The following BRCA2 variants were observed in gnomAD, a reference collection of about 807,000 sequenced individuals.
BRCA2 encodes breast cancer type 2 susceptibility protein.
A neutral mutation model predicts 276.7 loss-of-function variants in BRCA2; 203 were observed. The observed-to-expected ratio is 0.73, with a 90% CI of 0.65 to 0.82. The LOEUF is 0.82. Among genes scored for constraint, BRCA2 ranks in the 40% least tolerant of loss-of-function variants. The pLI, the probability that BRCA2 is intolerant of heterozygous loss-of-function variation, is 0.00. For synonymous variants in BRCA2, 1,289 were observed against 1,338.4 expected (o/e 0.96, Z 0.81); for missense variants, 3,920 against 3,915.0 (o/e 1.00, Z -0.03).
intron 24 of BRCA2, among the ~76,000 whole-genome samples, chr13:32,393,048 G>A (rs1356002628): frequency 6.6e-6 from 1 of 152,088 alleles, no homozygotes. Context: ...TGCATTTCTG[G>A]CAAGACTACC....
In BRCA2 at chr13:32,319,312, C is replaced by A. The variant is rs397507301; in HGVS notation, c.303C>A (p.Phe101Leu). 6.2e-7 allele frequency: 1 copy of A among 1,613,124 alleles called. No homozygotes were observed. The highest frequency in any genetic ancestry group is 1.3e-5 in the African/African-American group (1 of 74,880). The change falls in exon 3 of 27, where the codon TTC becomes TTA. Residue 101 changes from phenylalanine to leucine, a missense_variant. Phe to Leu is a conservative substitution (Grantham distance 22, BLOSUM62 0). Around this residue, in one of 2 missense-constraint regions of BRCA2, gnomAD observed 3,263 missense variants for 3,156.9 expected, o/e 1.03. Coordinates refer to ENST00000380152, the MANE Select transcript of BRCA2 (RefSeq NM_000059.4). ...CTCCTGTAAAAGAATTAGATAAATT[C>A]AAATTAGACTTAGGTAAGTAATGCA... ...YQSPVKELDK[F>L]KLDLGRNVPN...
At chr13:32,355,407 GT>G in intron 14 of BRCA2, 119 bp downstream of exon 14, 1 of 1,147,024 alleles carries the variant, frequency 8.7e-7, no homozygotes, top group Non-Finnish European at 1.2e-6. Flanking sequence ...CCTTTTTAAT[GT>G]TTTAGATTTT....
In BRCA2 at chr13:32,346,920, A is replaced by G. The variant is rs200506766; in HGVS notation, c.7007+24A>G. ...CGGTAAGACATGTTTAAATTTTTCT[A>G]AATTCTAATACAGTATGAGAAAAGT... On this transcript the variant is annotated intron_variant, in intron 13 of 26. Transcript: ENST00000380152. 72 of 1,560,362 alleles carry G rather than the reference A, an allele frequency of 4.6e-5. 4 individuals carry two copies. The South Asian group carries it at 7.0e-4, about 15-fold the overall frequency.
intron 13 of BRCA2, among the ~76,000 whole-genome samples, chr13:32,351,559 G>A (rs1016433805): frequency 6.6e-6 from 1 of 152,196 alleles, no homozygotes; most frequent in Non-Finnish European, 1.5e-5. Context: ...AATTTAGGAA[G>A]ATGAAAGGCA....
At chr13:32,343,928 CT>C (rs1323052200) in intron 11 of BRCA2, among the ~76,000 whole-genome samples, 1 of 151,930 alleles carries the variant, frequency 6.6e-6, no homozygotes, top group Non-Finnish European at 1.5e-5. Flanking sequence ...AATTTATTCC[CT>C]GTAATAAAGC....
chr13:32,328,811 AAAGT>A (rs1425363549), intron 7 of BRCA2, among the ~76,000 whole-genome samples: 5 of 152,210 alleles, frequency 3.3e-5, no homozygotes, highest in Non-Finnish European at 7.3e-5. Flanking sequence ...TACACACAGT[AAAGT>A]TTGTTTTGTA....
chr13:32,336,524 CA>C lies in BRCA2; in HGVS notation c.2175del (p.Val726PhefsTer4), dbSNP rs276174819. 1 of 1,613,946 alleles carries C rather than the reference CA, an allele frequency of 6.2e-7. No homozygotes were observed. Among genetic ancestry groups the C allele is most frequent in the Non-Finnish European group, 8.5e-7 (1 of 1,179,960 alleles). ...GACAGTGTGAAAATGATCCAAAAAGCAAAAAAGTTTCAGATATAAAAGAAGA... is the reference window on the plus strand; with the variant it reads ...GACAGTGTGAAAATGATCCAAAAAGCAAAAAGTTTCAGATATAAAAGAAGA... ...EGQCENDPKS[K>X]KVSDIKEEVL... On this transcript the variant is annotated frameshift_variant, in exon 11 of 27. Transcript: ENST00000380152. LOFTEE classifies it high-confidence loss of function.
rs182505124 is a variant in BRCA2 at position 32,373,717 on chromosome 13, C to G, written c.8632+2617C>G. On this transcript the variant is annotated intron_variant, in intron 20 of 26. Transcript: ENST00000380152. ...CCCTGCAGCTGCTTTCATGGGCTGCCATTGAGTGACAGCTGCACAGTGCAG... is the reference window on the plus strand; with the variant it reads ...CCCTGCAGCTGCTTTCATGGGCTGCGATTGAGTGACAGCTGCACAGTGCAG... Among the ~76,000 whole-genome samples the G allele has an allele frequency of 7.2e-3, 1,095 of 152,306 alleles. 11 individuals are homozygous for G. Among genetic ancestry groups the G allele is most frequent in the African/African-American group, 0.025 (1,019 of 41,568 alleles).
intron 24 of BRCA2, among the ~76,000 whole-genome samples, chr13:32,394,315 A>G (rs192702173): frequency 1.6e-4 from 24 of 152,334 alleles, no homozygotes; most frequent in East Asian, 9.6e-4. Context: ...TTAGAGGTCT[A>G]TCTTCAGAGA....
chr13:32,390,571 C>T (rs1362612149), intron 24 of BRCA2, among the ~76,000 whole-genome samples: 1 of 152,070 alleles, frequency 6.6e-6, no homozygotes, highest in African/African-American at 2.4e-5. Flanking sequence ...TTTTGTTCTC[C>T]CCCTCTTGAT....
chr13:32,350,488 G>A (rs935682417), intron 13 of BRCA2, among the ~76,000 whole-genome samples: 10 of 152,054 alleles, frequency 6.6e-5, no homozygotes, highest in Admixed American at 2.0e-4. Flanking sequence ...GGTGGTTCAC[G>A]CCTGTAATCC....
chr13:32,318,566 G>A (rs766232868), intron 2 of BRCA2, among the ~76,000 whole-genome samples: 5 of 151,790 alleles, frequency 3.3e-5, no homozygotes, highest in East Asian at 1.9e-4. Flanking sequence ...GGCAGCCTCC[G>A]GAGTAGCTGG....
chr13:32,333,944 C>T (rs1362031106), intron 10 of BRCA2, among the ~76,000 whole-genome samples: 1 of 152,146 alleles, frequency 6.6e-6, no homozygotes, highest in South Asian at 2.1e-4. Flanking sequence ...CTGCAAAGGA[C>T]GTGATCTTGT....
intron 24 of BRCA2, among the ~76,000 whole-genome samples, chr13:32,390,002 T>A (rs1403165798): frequency 1.1e-4 from 17 of 152,236 alleles, no homozygotes; most frequent in Non-Finnish European, 2.5e-4. Context: ...TAATCTTCTG[T>A]TTCTTAATCA....
intron 13 of BRCA2, among the ~76,000 whole-genome samples, chr13:32,353,036 G>A (rs1452716789): frequency 1.3e-5 from 2 of 152,120 alleles, no homozygotes. Flanking sequence ...GGGACAGAAG[G>A]TTTATTCATT....
chr13:32,354,252 T>C (rs2072671459), intron 13 of BRCA2, among the ~76,000 whole-genome samples: 1 of 152,010 alleles, frequency 6.6e-6, no homozygotes, highest in Non-Finnish European at 1.5e-5. Context: ...GTGGGAGAAA[T>C]GAGAGTTTAT....
At chr13:32,329,924 T>A (rs183054929) in intron 8 of BRCA2, among the ~76,000 whole-genome samples, 109 of 152,348 alleles carry the variant, frequency 7.2e-4, no homozygotes, top group African/African-American at 2.4e-3. Context: ...AGGACAATTA[T>A]AACAAAATAC....
Position 32,387,794 on chromosome 13 carries a change from C to T in BRCA2, c.9257-6895C>T, listed in dbSNP as rs193132873. On this transcript the variant is annotated intron_variant, in intron 24 of 26. Coordinates refer to ENST00000380152, the MANE Select transcript of BRCA2 (RefSeq NM_000059.4). The stretch of plus-strand genomic sequence containing the variant: ...ATAAGTGCAGAGAAGAAAACGCTGA[C>T]GTATGCTGCCTTCCCTCTCTGTTTC... Among the ~76,000 whole-genome samples, 43 of 152,272 alleles carry T rather than the reference C, an allele frequency of 2.8e-4. No homozygotes were observed. The East Asian group carries it at 7.3e-3, about 26-fold the overall frequency.
chr13:32,334,189 T>C (rs1375161425), intron 10 of BRCA2, among the ~76,000 whole-genome samples: 1 of 152,214 alleles, frequency 6.6e-6, no homozygotes, highest in Non-Finnish European at 1.5e-5. Context: ...CTTTGAGGAA[T>C]TGCCACACTG....
Sources: gnomAD v4.1 joint callset for allele counts (sites outside exome capture counted in the v4.1 genomes callset) on GRCh38, gnomAD v4.1.1 for gene constraint, gnomAD v4.1.1 regional missense constraint, MANE v1.5 for transcripts, NCBI Gene and HGNC (gene_info 2026-07-23, HGNC 2026-07-21) for gene names.